Variants in PCDHA7 observed in about 807,000 individuals in gnomAD.
PCDHA7 encodes protocadherin alpha-7.
Under a neutral mutation model 57.2 loss-of-function variants are expected in PCDHA7, and 37 were observed. The observed-to-expected ratio is 0.65, with a 90% CI of 0.50 to 0.85. PCDHA7 has a LOEUF of 0.85. Ranked by LOEUF, PCDHA7 falls within the 40% of genes least tolerant of loss-of-function variation. The pLI is 0.00. For missense variants in PCDHA7, 1,188 were observed against 1,241.8 expected (o/e 0.96, Z 0.65); for synonymous variants, 553 against 558.8 (o/e 0.99, Z 0.15).
chr5:140,961,445 C>T (rs772072156), intron 1 of PCDHA7, among the ~76,000 whole-genome samples: 1 of 152,214 alleles, frequency 6.6e-6, no homozygotes, highest in South Asian at 2.1e-4. Context: ...CCTAACTACA[C>T]TGTCTTGCAG....
At chr5:140,848,448 T>C (rs2150410519) in intron 1 of PCDHA7, 3 of 1,511,550 alleles carry the variant, frequency 2.0e-6, no homozygotes, top group African/African-American at 1.4e-5. Flanking sequence ...TGATTTCTTC[T>C]AATTTGGAGG....
intron 3 of PCDHA7, among the ~76,000 whole-genome samples, chr5:140,982,826 T>C (rs193172264): frequency 1.1e-3 from 157 of 141,010 alleles, no homozygotes; most frequent in African/African-American, 3.0e-3. Context: ...GTTTTTGGGG[T>C]TTGTTTGTTT....
At chr5:140,842,970 C>T in intron 1 of PCDHA7, 1 of 1,594,990 alleles carries the variant, frequency 6.3e-7, no homozygotes, top group Non-Finnish European at 8.6e-7. Flanking sequence ...AGCAACGTGA[C>T]GCTGCAGGTG....
intron 1 of PCDHA7, chr5:140,966,888 C>T: frequency 1.9e-6 from 3 of 1,593,128 alleles, no homozygotes; most frequent in Non-Finnish European, 2.6e-6. Flanking sequence ...GGCCCTGCGG[C>T]CTCCCAGCTG....
intron 1 of PCDHA7, among the ~76,000 whole-genome samples, chr5:140,907,411 G>T (rs1053744231): frequency 6.6e-6 from 1 of 152,192 alleles, no homozygotes; most frequent in Non-Finnish European, 1.5e-5. Flanking sequence ...GGAATACCAC[G>T]ATGGTGGATA....
At chr5:140,935,894 CTT>C (rs55841305) in intron 1 of PCDHA7, among the ~76,000 whole-genome samples, 8 of 136,706 alleles carry the variant, frequency 5.9e-5, no homozygotes, top group Non-Finnish European at 3.1e-5. Context: ...TCAATATTAT[CTT>C]TTTTTTTTTT....
intron 1 of PCDHA7, among the ~76,000 whole-genome samples, chr5:140,937,326 C>A (rs1287239556): frequency 2.0e-5 from 3 of 152,046 alleles, no homozygotes; most frequent in African/African-American, 7.2e-5. Flanking sequence ...CGTGAGCCAC[C>A]GCGCCCGGCT....
intron 1 of PCDHA7, among the ~76,000 whole-genome samples, chr5:140,909,265 G>A (rs1289313376): frequency 3.3e-5 from 5 of 152,192 alleles, no homozygotes; most frequent in Non-Finnish European, 7.3e-5. Flanking sequence ...CTGACTGAAG[G>A]CAAATTGCTT....
At chr5:140,865,966 T>C (rs1376241258) in intron 1 of PCDHA7, 5 of 152,194 alleles carry the variant, frequency 3.3e-5, no homozygotes, top group Non-Finnish European at 2.9e-5. Context: ...TTTTGTACAA[T>C]GTGTGATTGA....
chr5:140,846,341 GC>G (rs1780334025), intron 1 of PCDHA7, among the ~76,000 whole-genome samples: 1 of 144,650 alleles, frequency 6.9e-6, no homozygotes, highest in Non-Finnish European at 1.5e-5. Flanking sequence ...CTTTTAAAGT[GC>G]TTTCTCTTTT....
intron 1 of PCDHA7, among the ~76,000 whole-genome samples, chr5:140,905,080 C>G (rs2071583789): frequency 6.6e-6 from 1 of 152,128 alleles, no homozygotes; most frequent in Non-Finnish European, 1.5e-5. Flanking sequence ...GTTGCACTTT[C>G]TTTTGGGTTC....
chr5:140,862,713 C>T, intron 1 of PCDHA7: 1 of 561,970 alleles, frequency 1.8e-6, no homozygotes. Flanking sequence ...AGCGGGTGGG[C>T]GAGTGCGCGC....
intron 1 of PCDHA7, chr5:140,876,061 C>G (rs782151232): frequency 6.2e-7 from 1 of 1,613,778 alleles, no homozygotes; most frequent in Non-Finnish European, 8.5e-7. Context: ...ATTAGTTCTT[C>G]GGAAGTTATT....
intron 1 of PCDHA7, chr5:140,859,405 G>C (rs1222698496): frequency 4.0e-6 from 1 of 250,884 alleles, no homozygotes; most frequent in African/African-American, 2.3e-5. Context: ...ACAGGGTTGG[G>C]TTAGATGATA....
intron 1 of PCDHA7, among the ~76,000 whole-genome samples, chr5:140,921,218 T>G (rs1554200138): frequency 6.6e-6 from 1 of 152,126 alleles, no homozygotes; most frequent in African/African-American, 2.4e-5. Context: ...TTCACGTCTT[T>G]TTTGCTAGAT....
chr5:140,946,335 G>A lies in PCDHA7; in HGVS notation c.2356-32614G>A, dbSNP rs555314202. ...ATTATTGAAAGAGGAAAGATAACAA[G>A]TGATGGAGAGGATGTGGAGAAAAGG... On this transcript the variant is annotated intron_variant, in intron 1 of 3. Transcript: ENST00000525929. Among the ~76,000 whole-genome samples, 250 of 151,944 alleles carry A rather than the reference G, an allele frequency of 1.6e-3. 2 individuals are homozygous for A. The highest frequency in any genetic ancestry group is 2.8e-3 in the Non-Finnish European group (188 of 67,814).
At chr5:141,006,445 C>T (rs1202981865) in intron 3 of PCDHA7, among the ~76,000 whole-genome samples, 2 of 152,062 alleles carry the variant, frequency 1.3e-5, no homozygotes, top group Non-Finnish European at 2.9e-5. Context: ...AATCTCCTGA[C>T]CTCGAGATCT....
intron 1 of PCDHA7, chr5:140,857,554 G>C: frequency 1.3e-6 from 2 of 1,596,880 alleles, no homozygotes; most frequent in Non-Finnish European, 1.7e-6. Flanking sequence ...GCGAGCGCTC[G>C]CTGTCGAGCT....
chr5:140,863,075 C>A (rs546237964), intron 1 of PCDHA7: 2 of 569,532 alleles, frequency 3.5e-6, no homozygotes, highest in South Asian at 1.4e-5. Context: ...GGGCTCTGCA[C>A]GGGCGAGATC....
Sources: allele counts gnomAD v4.1 joint callset (sites outside exome capture counted in the v4.1 genomes callset), GRCh38; gene constraint gnomAD v4.1.1; transcripts MANE v1.5; gene names NCBI Gene and HGNC (gene_info 2026-07-23, HGNC 2026-07-21).